SMIM35: variants seen among roughly 807,000 people sequenced by gnomAD.
SMIM35 encodes the protein small integral membrane protein 35.
intron 1 of SMIM35, among the ~76,000 whole-genome samples, chr11:118,037,450 G>A (rs1174360877): frequency 6.6e-6 from 1 of 152,226 alleles, no homozygotes. Flanking sequence ...TCCATTGGCT[G>A]AGGGGGCCCC....
At chr11:118,029,158 C>T (rs1263743507) in intron 1 of SMIM35, among the ~76,000 whole-genome samples, 2 of 152,036 alleles carry the variant, frequency 1.3e-5, no homozygotes, top group Non-Finnish European at 2.9e-5. Context: ...AGATTCTGAC[C>T]TACAATAAAA....
rs1409951847 is a variant in SMIM35 at position 118,038,346 on chromosome 11, G to A, written c.8-22537C>T. Among the ~76,000 whole-genome samples, 5 of 152,306 alleles carry A rather than the reference G, an allele frequency of 3.3e-5. No individual in the cohort carries two copies. The South Asian group carries it at 8.3e-4, about 25-fold the overall frequency. ...CACACCTTTGACAGTCTTTGGGAAA[G>A]AATAACACCCACGTAAAGAATTTGT... On this transcript the variant is annotated intron_variant, in intron 1 of 4. Transcript: ENST00000689828.
At chr11:118,039,567 G>A (rs184004881) in intron 1 of SMIM35, among the ~76,000 whole-genome samples, 19 of 151,970 alleles carry the variant, frequency 1.3e-4, no homozygotes, top group Non-Finnish European at 1.8e-4. Context: ...AAAATTAGCC[G>A]GGTGTGGTGG....
intron 1 of SMIM35, among the ~76,000 whole-genome samples, chr11:118,079,614 C>T (rs570822797): frequency 5.4e-4 from 82 of 152,342 alleles, no homozygotes; most frequent in Non-Finnish European, 8.2e-4. Flanking sequence ...AGCCACCAGA[C>T]GTGGGTGTTA....
chr11:118,049,995 G>C (rs928239093), intron 1 of SMIM35, among the ~76,000 whole-genome samples: 1 of 152,110 alleles, frequency 6.6e-6, no homozygotes, highest in Non-Finnish European at 1.5e-5. Context: ...GGTACCAAGG[G>C]GCCCAGGATC....
At chr11:118,026,511 A>C (rs1450100195) in intron 1 of SMIM35, among the ~76,000 whole-genome samples, 2 of 152,258 alleles carry the variant, frequency 1.3e-5, no homozygotes, top group Non-Finnish European at 2.9e-5. Flanking sequence ...TGGCTTTAGA[A>C]AAATCACTCT....
chr11:118,067,683 A>C (rs1944499135), intron 1 of SMIM35: 1 of 150,754 alleles, frequency 6.6e-6, no homozygotes. Context: ...AAAATACAAA[A>C]AATTAGCCAG....
chr11:118,077,079 C>G, intron 1 of SMIM35: 4 of 532,598 alleles, frequency 7.5e-6, no homozygotes, highest in Admixed American at 3.5e-5. Flanking sequence ...CCCCCAATCA[C>G]TCCTGGAATA....
At chr11:118,054,032 A>AT (rs1415087199) in intron 1 of SMIM35, among the ~76,000 whole-genome samples, 1 of 151,890 alleles carries the variant, frequency 6.6e-6, no homozygotes, top group Non-Finnish European at 1.5e-5. Flanking sequence ...TTTCAGCATG[A>AT]TTTTTTACAA....
chr11:118,046,628 C>T (rs1385239586), intron 1 of SMIM35, among the ~76,000 whole-genome samples: 1 of 152,224 alleles, frequency 6.6e-6, no homozygotes, highest in East Asian at 1.9e-4. Flanking sequence ...TTCCCAAATT[C>T]TTCAGAGTTC....
In SMIM35 at chr11:118,003,980, G is replaced by A. The variant is rs2135004217; in HGVS notation, c.*2430C>T. On this transcript the variant is annotated 3_prime_UTR_variant, in exon 5 of 5. Coordinates refer to ENST00000689828, the MANE Select transcript of SMIM35 (RefSeq NM_001394165.1). Reference sequence around the variant, plus strand: ...AAACAACAGACATTTATCTCTCACAGTTCTGGAGGTGGGGAAGTGCAGGAT... The same window carrying A: ...AAACAACAGACATTTATCTCTCACAATTCTGGAGGTGGGGAAGTGCAGGAT... 1 of 152,374 alleles carries A rather than the reference G, an allele frequency of 6.6e-6. No homozygotes were observed. The highest frequency in any genetic ancestry group is 2.1e-4 in the South Asian group (1 of 4,832). 9.4% of individuals were successfully genotyped at this position (152,374 alleles called of 1,614,324 possible).
intron 1 of SMIM35, among the ~76,000 whole-genome samples, chr11:118,064,079 C>T (rs1466633007): frequency 6.6e-6 from 1 of 152,194 alleles, no homozygotes; most frequent in Non-Finnish European, 1.5e-5. Context: ...GGATCTGTTG[C>T]TATCTGGTAG....
Position 118,012,761 on chromosome 11 carries a change from C to T in SMIM35, c.*33+987G>A, listed in dbSNP as rs77713784. On this transcript the variant is annotated intron_variant, in intron 4 of 4. Coordinates refer to ENST00000689828, the MANE Select transcript of SMIM35 (RefSeq NM_001394165.1). ...GGCAGGGCAGAGTCGAGGCCCAGCT[C>T]AGTCTTCAGGGAAGTTGGCCTCAGG... 2.5e-4 allele frequency among the ~76,000 whole-genome samples: 38 copies of T among 152,282 alleles called. No individual in the cohort carries two copies. In the East Asian group the frequency reaches 7.3e-3, roughly 29 times the overall value.
At chr11:118,033,986 G>A (rs760529596) in intron 1 of SMIM35, among the ~76,000 whole-genome samples, 1 of 152,164 alleles carries the variant, frequency 6.6e-6, no homozygotes, top group African/African-American at 2.4e-5. Context: ...ATTTAAAATA[G>A]GCCAGGCGCA....
intron 1 of SMIM35, among the ~76,000 whole-genome samples, chr11:118,052,191 GT>G (rs1472336936): frequency 6.6e-6 from 1 of 152,134 alleles, no homozygotes; most frequent in African/African-American, 2.4e-5. Context: ...CCCCACCCAC[GT>G]CCCCCAACAG....
At chr11:118,025,638 T>C (rs140433804) in intron 1 of SMIM35, 1 of 447,444 alleles carries the variant, frequency 2.2e-6, no homozygotes, top group East Asian at 7.0e-5. Context: ...TTAATGGGGT[T>C]ATTTGGTCTT....
Position 118,077,362 on chromosome 11 carries a change from G to A in SMIM35, c.7+9389C>T, listed in dbSNP as rs949641828. 5.2e-6 allele frequency: 8 copies of A among 1,541,214 alleles called. No individual in the cohort carries two copies. In the African/African-American group the frequency reaches 6.9e-5, roughly 13 times the overall value. On this transcript the variant is annotated intron_variant, in intron 1 of 4. Coordinates refer to ENST00000689828, the MANE Select transcript of SMIM35 (RefSeq NM_001394165.1). ...AGGAAGGGTGGGTCTCCCCATGTAA[G>A]GCCCTTCAAGCAGCCTGAGCATCCA...
At chr11:118,074,574 C>T (rs2135147787) in intron 1 of SMIM35, among the ~76,000 whole-genome samples, 1 of 152,076 alleles carries the variant, frequency 6.6e-6, no homozygotes, top group African/African-American at 2.4e-5. Context: ...TGGTGAAACC[C>T]TGTATCTACA....
chr11:118,074,246 G>A (rs909204759), intron 1 of SMIM35, among the ~76,000 whole-genome samples: 5 of 152,072 alleles, frequency 3.3e-5, no homozygotes, highest in African/African-American at 7.2e-5. Context: ...ACTCTGCCTC[G>A]GATCTTGACA....
Sources: allele counts gnomAD v4.1 joint callset (sites outside exome capture counted in the v4.1 genomes callset), GRCh38; gene constraint gnomAD v4.1.1; transcripts MANE v1.5; gene names NCBI Gene and HGNC (gene_info 2026-07-23, HGNC 2026-07-21).